Variants in SH2D4A observed in about 807,000 individuals in gnomAD.
SH2D4A encodes the protein SH2 domain containing 4A.
Under a neutral mutation model 64.7 loss-of-function variants are expected in SH2D4A, and 70 were observed. The ratio of observed to expected loss-of-function variants is 1.08; its 90% CI spans 0.89 to 1.32. SH2D4A has a LOEUF of 1.32. Among genes scored for constraint, SH2D4A ranks in the 40% most tolerant of loss-of-function variants. The pLI is 0.00. For missense variants in SH2D4A, 706 were observed against 540.1 expected (o/e 1.31, Z -3.04); for synonymous variants, 268 against 200.7 (o/e 1.34, Z -2.83).
intron 8 of SH2D4A, among the ~76,000 whole-genome samples, chr8:19,377,033 G>C (rs541584247): frequency 6.6e-6 from 1 of 152,068 alleles, no homozygotes; most frequent in Non-Finnish European, 1.5e-5. Flanking sequence ...CTGTTCTCCA[G>C]GTGTAATGAA....
chr8:19,360,021 G>A (rs865931448), intron 5 of SH2D4A, among the ~76,000 whole-genome samples: 10 of 152,268 alleles, frequency 6.6e-5, no homozygotes, highest in Middle Eastern at 3.4e-3. Context: ...AAATTCAGTC[G>A]TCTTGTGAGC....
chr8:19,394,480 C>A, intron 9 of SH2D4A, 70 bp from the exon 10 acceptor site: 2 of 1,073,056 alleles, frequency 1.9e-6, no homozygotes, highest in Non-Finnish European at 2.7e-6. Flanking sequence ...CTAGTGATGT[C>A]CTCTGAGGAA....
At chr8:19,352,462 CT>C (rs2052719728) in intron 4 of SH2D4A, among the ~76,000 whole-genome samples, 1 of 152,144 alleles carries the variant, frequency 6.6e-6, no homozygotes, top group South Asian at 2.1e-4. Context: ...TTTTTGGAAG[CT>C]TTTGCATAAA....
intron 2 of SH2D4A, among the ~76,000 whole-genome samples, chr8:19,322,658 C>T (rs2052211852): frequency 6.8e-6 from 1 of 146,788 alleles, no homozygotes; most frequent in Non-Finnish European, 1.5e-5. Context: ...GCTCTGTCTC[C>T]CAAGCTGCAG....
chr8:19,349,167 T>C (rs1273724851), intron 4 of SH2D4A, among the ~76,000 whole-genome samples: 1 of 152,218 alleles, frequency 6.6e-6, no homozygotes, highest in African/African-American at 2.4e-5. Flanking sequence ...GCATTGGACA[T>C]ACCAGGTAAA....
At chr8:19,315,953 C>A (rs1196105211) in intron 1 of SH2D4A, among the ~76,000 whole-genome samples, 1 of 152,176 alleles carries the variant, frequency 6.6e-6, no homozygotes, top group East Asian at 1.9e-4. Flanking sequence ...GAAACTGAGT[C>A]CCAAGGAGGT....
chr8:19,326,880 C>T (rs1054670955), intron 2 of SH2D4A, among the ~76,000 whole-genome samples: 1 of 152,182 alleles, frequency 6.6e-6, no homozygotes, highest in Non-Finnish European at 1.5e-5. Flanking sequence ...CACTGATGCC[C>T]ACATCTCACC....
intron 2 of SH2D4A, among the ~76,000 whole-genome samples, chr8:19,320,623 CAAAAA>C (rs57328086): frequency 0.028 from 1,914 of 68,868 alleles, 55 homozygotes; most frequent in African/African-American, 0.093. Flanking sequence ...GACTGTGTGT[CAAAAA>C]AAAAAAAAAA....
At chr8:19,384,321 A>G (rs897859870) in intron 8 of SH2D4A, among the ~76,000 whole-genome samples, 1 of 152,150 alleles carries the variant, frequency 6.6e-6, no homozygotes, top group African/African-American at 2.4e-5. Flanking sequence ...GGATGGTGCA[A>G]AGAGACAGGG....
At chr8:19,314,229 C>A in intron 1 of SH2D4A, 2 of 447,960 alleles carry the variant, frequency 4.5e-6, no homozygotes, top group Non-Finnish European at 6.1e-6. Flanking sequence ...GGAGTGCAGG[C>A]CCCGGGAGGG....
intron 7 of SH2D4A, among the ~76,000 whole-genome samples, chr8:19,369,933 G>A (rs2053066466): frequency 1.3e-5 from 2 of 151,760 alleles, no homozygotes; most frequent in Non-Finnish European, 2.9e-5. Flanking sequence ...CTACTTTTTT[G>A]ATATGTGTGT....
chr8:19,315,864 C>G (rs1585137949), intron 1 of SH2D4A, among the ~76,000 whole-genome samples: 2 of 152,232 alleles, frequency 1.3e-5, no homozygotes, highest in African/African-American at 4.8e-5. Context: ...CACCAGGCTC[C>G]TTCGCTTCAC....
At chr8:19,367,015 C>T (rs1315532416) in intron 7 of SH2D4A, among the ~76,000 whole-genome samples, 4 of 152,180 alleles carry the variant, frequency 2.6e-5, no homozygotes, top group Non-Finnish European at 4.4e-5. Flanking sequence ...TATATTCCTA[C>T]CATCAGGCAA....
Position 19,332,968 on chromosome 8 carries a change from G to T in SH2D4A, c.195G>T (p.Ser65=), listed in dbSNP as rs368982973. The change falls in exon 3 of 10, where the codon TCG becomes TCT. Residue 65 remains serine (S), a synonymous_variant. Transcript: ENST00000265807. ...GTTTGTTTGCAGAGAATGGCAAATC[G>T]GTTCATTGGAAACTTGGAGCTGATA... ...KPRPKKENGK[S]VHWKLGADKE... 3.1e-6 allele frequency: 5 copies of T among 1,610,004 alleles called. No individual in the cohort carries two copies. The highest frequency in any genetic ancestry group is 4.2e-6 in the Non-Finnish European group (5 of 1,179,134).
At chr8:19,392,455 C>T (rs1256614516) in intron 8 of SH2D4A, among the ~76,000 whole-genome samples, 1 of 152,026 alleles carries the variant, frequency 6.6e-6, no homozygotes, top group Non-Finnish European at 1.5e-5. Context: ...TAGCAACATC[C>T]CTGACCTCTA....
intron 8 of SH2D4A, among the ~76,000 whole-genome samples, chr8:19,383,283 C>CCTAT (rs1260807327): frequency 6.6e-6 from 1 of 152,006 alleles, no homozygotes; most frequent in East Asian, 1.9e-4. Context: ...CATCCATTGT[C>CCTAT]CTATCTTCAA....
chr8:19,364,227 C>T lies in SH2D4A; in HGVS notation c.862C>T (p.Leu288Phe). 3 of 1,614,222 alleles carry T rather than the reference C, an allele frequency of 1.9e-6. No homozygotes were observed. The highest frequency in any genetic ancestry group is 2.2e-5 in the East Asian group (1 of 44,884). The change falls in exon 7 of 10, where the codon CTT (leucine) becomes TTT (phenylalanine). Residue 288 changes from leucine (L) to phenylalanine (F), a missense_variant. Coordinates refer to ENST00000265807, the MANE Select transcript of SH2D4A (RefSeq NM_022071.4). ...RVPQKPERPP[L>F]PPKPQFLNSG... is the part of the protein sequence containing the mutation. Reference sequence around the variant, plus strand: ...TCCGCAGAAACCAGAAAGACCTCCCCTTCCACCCAAGCCTCAGTTCCTAAA... The same window carrying T: ...TCCGCAGAAACCAGAAAGACCTCCCTTTCCACCCAAGCCTCAGTTCCTAAA...
At chr8:19,382,434 A>G (rs1439113139) in intron 8 of SH2D4A, among the ~76,000 whole-genome samples, 1 of 152,188 alleles carries the variant, frequency 6.6e-6, no homozygotes, top group Non-Finnish European at 1.5e-5. Context: ...TACTTCAAGT[A>G]CCTGTTCAAC....
intron 4 of SH2D4A, among the ~76,000 whole-genome samples, chr8:19,350,394 C>T (rs1370301277): frequency 6.6e-6 from 1 of 152,202 alleles, no homozygotes; most frequent in Non-Finnish European, 1.5e-5. Context: ...AGCTATTGTT[C>T]ATCGAATATG....
Sources: gnomAD v4.1 joint callset for allele counts (sites outside exome capture counted in the v4.1 genomes callset) on GRCh38, gnomAD v4.1.1 for gene constraint, MANE v1.5 for transcripts, NCBI Gene and HGNC (gene_info 2026-07-23, HGNC 2026-07-21) for gene names.